ADD3: variants seen among roughly 807,000 people sequenced by gnomAD.
ADD3 encodes the protein adducin 3.
In ADD3, 25 loss-of-function variants were observed where a neutral mutation model predicts 80.2. The observed-to-expected ratio is 0.31, with a 90% CI of 0.23 to 0.44. The LOEUF is 0.44. Among genes scored for constraint, ADD3 ranks in the 20% least tolerant of loss-of-function variants. The pLI, the probability that ADD3 is intolerant of heterozygous loss-of-function variation, is 1.00. For synonymous variants in ADD3, 284 were observed against 289.6 expected, an observed-to-expected ratio of 0.98 and a Z score of 0.20; for missense variants, 829 against 847.5, an observed-to-expected ratio of 0.98 and a Z score of 0.27.
upstream of ADD3, chr10:110,006,016 C>CGCT (rs202094866): frequency 1.2e-4 from 28 of 231,626 alleles, no homozygotes; most frequent in East Asian, 3.1e-4. Flanking sequence ...CCGCCGCCGC[C>CGCT]GCTGCTGCTG....
chr10:110,031,196 C>A (rs1384927648), intron 1 of ADD3, among the ~76,000 whole-genome samples: 2 of 152,186 alleles, frequency 1.3e-5, no homozygotes, highest in Non-Finnish European at 2.9e-5. Context: ...ATCCCTTGAA[C>A]CCGGAGGGGG....
chr10:110,005,574 T>C (rs566173006), upstream of ADD3, among the ~76,000 whole-genome samples: 17 of 152,342 alleles, frequency 1.1e-4, no homozygotes, highest in African/African-American at 3.8e-4. Context: ...TTTAGTACGA[T>C]GTTGAATATT....
intron 3 of ADD3, among the ~76,000 whole-genome samples, chr10:110,114,842 C>T (rs1850494840): frequency 6.6e-6 from 1 of 152,062 alleles, no homozygotes; most frequent in Non-Finnish European, 1.5e-5. Flanking sequence ...CTTTGGGAGG[C>T]CAAGGCAGGA....
chr10:110,088,299 T>G (rs1170076974), intron 1 of ADD3, among the ~76,000 whole-genome samples: 1 of 152,226 alleles, frequency 6.6e-6, no homozygotes, highest in Non-Finnish European at 1.5e-5. Flanking sequence ...ATGATACATT[T>G]GAAAAAGCAA....
intron 1 of ADD3, among the ~76,000 whole-genome samples, chr10:110,077,891 TA>T (rs1564936274): frequency 1.3e-5 from 2 of 151,962 alleles, no homozygotes; most frequent in East Asian, 1.9e-4. Flanking sequence ...AGTGGGCATG[TA>T]GAGAGAGAGA....
intron 1 of ADD3, among the ~76,000 whole-genome samples, chr10:110,088,819 A>G (rs1042647353): frequency 6.6e-6 from 1 of 151,908 alleles, no homozygotes; most frequent in East Asian, 1.9e-4. Context: ...GTGCCTTTCC[A>G]TCCCTCCCTT....
intron 1 of ADD3, among the ~76,000 whole-genome samples, chr10:110,010,151 A>G (rs560760224): frequency 6.6e-6 from 1 of 152,258 alleles, no homozygotes; most frequent in African/African-American, 2.4e-5. Context: ...CCAAGAGAAC[A>G]TAACATCAGC....
At chr10:110,047,610 A>G (rs2133359841) in intron 1 of ADD3, among the ~76,000 whole-genome samples, 1 of 152,322 alleles carries the variant, frequency 6.6e-6, no homozygotes, top group Non-Finnish European at 1.5e-5. Flanking sequence ...TATTCTTTGA[A>G]TCTTAAGTAT....
At chr10:110,009,642 C>T (rs1852092921) in intron 1 of ADD3, among the ~76,000 whole-genome samples, 1 of 152,082 alleles carries the variant, frequency 6.6e-6, no homozygotes, top group African/African-American at 2.4e-5. Flanking sequence ...ACTTATTTTC[C>T]TTTGCTTAAA....
chr10:110,067,012 C>T (rs986127264), intron 1 of ADD3, among the ~76,000 whole-genome samples: 1 of 152,164 alleles, frequency 6.6e-6, no homozygotes, highest in Non-Finnish European at 1.5e-5. Flanking sequence ...GTTAAGAACA[C>T]GGGTCTAGGT....
At chr10:110,023,167 A>G (rs1405748762) in intron 1 of ADD3, among the ~76,000 whole-genome samples, 1 of 152,156 alleles carries the variant, frequency 6.6e-6, no homozygotes, top group East Asian at 1.9e-4. Flanking sequence ...TTGAAAGAGA[A>G]TGGTATTTGG....
intron 1 of ADD3, among the ~76,000 whole-genome samples, chr10:110,013,457 T>C (rs1485888126): frequency 3.3e-5 from 5 of 152,206 alleles, no homozygotes; most frequent in African/African-American, 1.2e-4. Context: ...GCAGTGGGCA[T>C]ATGCAATTTC....
At chr10:110,063,772 T>TATATATAA (rs2133548348) in intron 1 of ADD3, among the ~76,000 whole-genome samples, 1 of 115,188 alleles carries the variant, frequency 8.7e-6, no homozygotes, top group African/African-American at 3.7e-5. Flanking sequence ...TATATATATA[T>TATATATAA]ATATATATAT....
At chr10:110,106,907 G>C (rs1169999205) in intron 2 of ADD3, among the ~76,000 whole-genome samples, 3 of 152,044 alleles carry the variant, frequency 2.0e-5, no homozygotes, top group Non-Finnish European at 1.5e-5. Flanking sequence ...GTAGATTATG[G>C]GTAGGCCTAA....
At chr10:110,046,712 C>T (rs1258807176) in intron 1 of ADD3, among the ~76,000 whole-genome samples, 1 of 152,094 alleles carries the variant, frequency 6.6e-6, no homozygotes, top group African/African-American at 2.4e-5. Context: ...TAATTGTTGC[C>T]TCACTAAGGT....
intron 1 of ADD3, among the ~76,000 whole-genome samples, chr10:110,012,403 G>T (rs1852436087): frequency 6.6e-6 from 1 of 152,222 alleles, no homozygotes; most frequent in Non-Finnish European, 1.5e-5. Flanking sequence ...CAGATAATGA[G>T]AATCAGAGCC....
At chr10:110,047,482 G>A (rs569785584) in intron 1 of ADD3, among the ~76,000 whole-genome samples, 116 of 152,180 alleles carry the variant, frequency 7.6e-4, no homozygotes, top group African/African-American at 2.6e-3. Context: ...TATATATATC[G>A]GGTCCCATTC....
rs1852777912 is a variant in ADD3 at position 110,130,220 on chromosome 10, G to A, written c.1609-143G>A. 26 of 811,698 alleles carry A rather than the reference G, an allele frequency of 3.2e-5. No homozygotes were observed. In the South Asian group the frequency reaches 3.4e-4, roughly 11 times the overall value. 50.3% of individuals were successfully genotyped at this position (811,698 alleles called of 1,614,324 possible). On this transcript the variant is annotated intron_variant, in intron 12 of 14. Coordinates refer to ENST00000356080, the MANE Select transcript of ADD3 (RefSeq NM_016824.5). ...TACAAGAGCATTTTAAACAAAGCAT[G>A]TTACCTTGCATTTCTTAGGATTGTT...
At chr10:110,051,982 C>G (rs1164183013) in intron 1 of ADD3, among the ~76,000 whole-genome samples, 1 of 152,038 alleles carries the variant, frequency 6.6e-6, no homozygotes, top group Non-Finnish European at 1.5e-5. Context: ...TTTTTTTCTT[C>G]TAGAGACAAG....
Sources: allele counts gnomAD v4.1 joint callset (sites outside exome capture counted in the v4.1 genomes callset), GRCh38; gene constraint gnomAD v4.1.1; transcripts MANE v1.5; gene names NCBI Gene and HGNC (gene_info 2026-07-23, HGNC 2026-07-21).